ENKUR: variants seen among roughly 807,000 people sequenced by gnomAD.
ENKUR encodes enkurin.
A neutral mutation model predicts 27.6 loss-of-function variants in ENKUR; 19 were observed. That is an observed-to-expected ratio of 0.69 (90% CI 0.48 to 1.01). The LOEUF (loss-of-function observed/expected upper bound fraction) is 1.01. Among genes scored for constraint, ENKUR ranks in the 50% least tolerant of loss-of-function variants. The probability of loss-of-function intolerance (pLI) is 0.00; values close to 1 mark genes in which losing one functional copy is unlikely to be tolerated. For synonymous variants in ENKUR, 117 were observed against 96.9 expected (o/e 1.21, Z -1.22); for missense variants, 312 against 310.5 (o/e 1.00, Z -0.04).
intron 2 of ENKUR, among the ~76,000 whole-genome samples, chr10:25,050,028 A>AG (rs910774718): frequency 4.6e-5 from 7 of 152,026 alleles, no homozygotes; most frequent in African/African-American, 1.4e-4. Context: ...TGGAAGGTGA[A>AG]GGGGGAGGAG....
At chr10:25,059,348 T>C (rs953288820) in intron 2 of ENKUR, among the ~76,000 whole-genome samples, 1 of 151,948 alleles carries the variant, frequency 6.6e-6, no homozygotes, top group African/African-American at 2.4e-5. Context: ...TCCATGCTAG[T>C]CTCCAACTCC....
At chr10:25,028,383 C>T (rs1850894177) in intron 2 of ENKUR, among the ~76,000 whole-genome samples, 1 of 152,166 alleles carries the variant, frequency 6.6e-6, no homozygotes, top group African/African-American at 2.4e-5. Flanking sequence ...CTGTCCCTTT[C>T]CCCGCCCCTT....
At chr10:25,014,136 C>T (rs985378972) in intron 1 of ENKUR, among the ~76,000 whole-genome samples, 1 of 152,102 alleles carries the variant, frequency 6.6e-6, no homozygotes, top group Non-Finnish European at 1.5e-5. Flanking sequence ...TGGTCACATA[C>T]ATTCATCTTC....
intron 3 of ENKUR, among the ~76,000 whole-genome samples, chr10:24,995,433 T>C (rs1258723209): frequency 6.6e-6 from 1 of 152,212 alleles, no homozygotes; most frequent in Non-Finnish European, 1.5e-5. Context: ...ATAACTTTTA[T>C]CTACTGAACT....
intron 1 of ENKUR, among the ~76,000 whole-genome samples, chr10:25,012,522 G>A (rs530528245): frequency 2.4e-4 from 36 of 152,348 alleles, no homozygotes; most frequent in Non-Finnish European, 4.0e-4. Context: ...TTGCATCAGC[G>A]TGACCTGGAT....
chr10:25,004,176 A>G (rs1056274050), intron 1 of ENKUR, among the ~76,000 whole-genome samples: 1 of 152,186 alleles, frequency 6.6e-6, no homozygotes, highest in Non-Finnish European at 1.5e-5. Context: ...CCAGTCTATC[A>G]CTGATGGGCA....
intron 2 of ENKUR, 112 bp from the exon 3 acceptor site, chr10:24,995,981 A>G (rs941493917): frequency 1.3e-6 from 1 of 782,582 alleles, no homozygotes; most frequent in South Asian, 2.5e-5. Context: ...CAGTCATAAT[A>G]TATTTAAATA....
Position 24,984,380 on chromosome 10 carries a change from C to CAT in ENKUR, c.765-5_765-4insAT. 2.2e-5 allele frequency: 27 copies of CAT among 1,237,044 alleles called. No homozygotes were observed. Among genetic ancestry groups the CAT allele is most frequent in the East Asian group, 9.5e-5 (3 of 31,598 alleles). The allele number at this position is 1,237,044 out of a possible 1,614,324, so 76.6% of individuals were successfully genotyped here. ...GTTGTGCTGTTGGTATCATGCGCTG[C>CAT]AGAAAAAAAAAAAAAAAAGTGAAGT... On this transcript the variant is annotated splice_polypyrimidine_tract_variant and splice_region_variant and intron_variant, in intron 5 of 5. Transcript: ENST00000331161.
chr10:24,983,977 G>A lies in ENKUR; in HGVS notation c.*393C>T. On this transcript the variant is annotated 3_prime_UTR_variant, in exon 6 of 6. Transcript: ENST00000331161. The stretch of plus-strand genomic sequence containing the variant: ...TTAGAATTCACAAAATAGATAAGTA[G>A]AAAGGACCAAAAGGAAAAAAACATT... 1 of 168,786 alleles carries A rather than the reference G, an allele frequency of 5.9e-6. No individual in the cohort carries two copies. The highest frequency in any genetic ancestry group is 1.3e-5 in the Non-Finnish European group (1 of 79,348). The allele number at this position is 168,786 out of a possible 1,614,324, so 10.5% of individuals were successfully genotyped here.
chr10:24,996,093 T>C (rs1850047657), intron 2 of ENKUR, among the ~76,000 whole-genome samples: 2 of 152,150 alleles, frequency 1.3e-5, no homozygotes, highest in Non-Finnish European at 2.9e-5. Flanking sequence ...AAATAATTTT[T>C]TAAAAAGAAA....
intron 2 of ENKUR, among the ~76,000 whole-genome samples, chr10:25,028,460 A>G (rs1166313022): frequency 1.3e-5 from 2 of 151,998 alleles, no homozygotes; most frequent in South Asian, 2.1e-4. Context: ...CTTGGATCCT[A>G]TTCCCTTCAA....
intron 1 of ENKUR, among the ~76,000 whole-genome samples, chr10:25,005,028 T>C (rs1359299619): frequency 6.6e-6 from 1 of 152,152 alleles, no homozygotes; most frequent in East Asian, 1.9e-4. Context: ...GTCCTTCCCA[T>C]TGCTTGTGTT....
chr10:25,020,738 C>G (rs11014351), upstream of ENKUR, among the ~76,000 whole-genome samples: 37,024 of 148,362 alleles, frequency 0.25, 5,519 homozygotes, highest in East Asian at 0.5. Flanking sequence ...AAGACCCTTT[C>G]TCAAAAAAAA....
At chr10:24,995,467 T>C (rs1850025705) in intron 3 of ENKUR, among the ~76,000 whole-genome samples, 179 bp downstream of exon 3, 1 of 152,244 alleles carries the variant, frequency 6.6e-6, no homozygotes, top group African/African-American at 2.4e-5. Flanking sequence ...TACTATGGGT[T>C]CTTTGTAACT....
chr10:25,003,904 C>A (rs1850252463), intron 1 of ENKUR, among the ~76,000 whole-genome samples: 1 of 152,162 alleles, frequency 6.6e-6, no homozygotes, highest in South Asian at 2.1e-4. Flanking sequence ...TTAGCTCTCA[C>A]TTTAAGTGAG....
At chr10:24,985,059 G>A (rs2279547) in intron 4 of ENKUR, among the ~76,000 whole-genome samples, 154 bp from the exon 5 acceptor site, 73,385 of 151,988 alleles carry the variant, frequency 0.48, 18,674 homozygotes, top group African/African-American at 0.66. Context: ...ACTTGGCCAC[G>A]GTAACCAAAA....
intron 2 of ENKUR, among the ~76,000 whole-genome samples, chr10:25,043,088 A>G (rs1276914430): frequency 6.6e-6 from 1 of 152,182 alleles, no homozygotes; most frequent in African/African-American, 2.4e-5. Flanking sequence ...AGGGAGAACA[A>G]GGCACCAAAA....
At chr10:25,019,933 C>A (rs1850684106), upstream of ENKUR, among the ~76,000 whole-genome samples, 1 of 152,012 alleles carries the variant, frequency 6.6e-6, no homozygotes, top group South Asian at 2.1e-4. Context: ...TTGGTGAAGT[C>A]CATATATATG....
chr10:24,986,925 C>T (rs1405815586), intron 4 of ENKUR, among the ~76,000 whole-genome samples: 3 of 152,102 alleles, frequency 2.0e-5, no homozygotes, highest in Non-Finnish European at 2.9e-5. Context: ...GAAATAATAT[C>T]GTTCATTTTG....
Sources: gnomAD v4.1 joint callset for allele counts (sites outside exome capture counted in the v4.1 genomes callset) on GRCh38, gnomAD v4.1.1 for gene constraint, MANE v1.5 for transcripts, NCBI Gene and HGNC (gene_info 2026-07-23, HGNC 2026-07-21) for gene names.